The following GMDS variants were observed in gnomAD, a reference collection of about 807,000 sequenced individuals.
GMDS encodes the protein GDP-mannose 4,6 dehydratase.
Under a neutral mutation model 49.9 loss-of-function variants are expected in GMDS, and 20 were observed. The observed-to-expected ratio is 0.40, with a 90% CI of 0.28 to 0.58. The LOEUF is 0.58. Among genes scored for constraint, GMDS ranks in the 20% least tolerant of loss-of-function variants. The pLI, the probability that GMDS is intolerant of heterozygous loss-of-function variation, is 0.42. For missense variants in GMDS, 362 were observed against 481.4 expected, an observed-to-expected ratio of 0.75 and a Z score of 2.32; for synonymous variants, 177 against 178.6, an observed-to-expected ratio of 0.99 and a Z score of 0.07.
intron 9 of GMDS, among the ~76,000 whole-genome samples, chr6:1,689,009 T>A (rs978421538): frequency 6.6e-6 from 1 of 152,194 alleles, no homozygotes; most frequent in Non-Finnish European, 1.5e-5. Context: ...AACATGTTCT[T>A]GCTATGAGGG....
intron 9 of GMDS, among the ~76,000 whole-genome samples, chr6:1,668,724 AC>A (rs67378132): frequency 0.18 from 27,051 of 151,504 alleles, 2,845 homozygotes; most frequent in East Asian, 0.51. Context: ...AAACAAACAA[AC>A]AAAAAAAACC....
At chr6:2,170,318 T>C (rs1777921653) in intron 1 of GMDS, among the ~76,000 whole-genome samples, 2 of 152,292 alleles carry the variant, frequency 1.3e-5, no homozygotes, top group South Asian at 4.1e-4. Flanking sequence ...TTACCATATG[T>C]TCTAAACTAA....
chr6:2,067,337 A>G (rs1272715464), intron 4 of GMDS, among the ~76,000 whole-genome samples: 1 of 150,674 alleles, frequency 6.6e-6, no homozygotes, highest in Non-Finnish European at 1.5e-5. Context: ...TGACACCCTA[A>G]CATCACAATT....
chr6:2,233,620 G>C (rs1301827828), intron 1 of GMDS, among the ~76,000 whole-genome samples: 1 of 152,206 alleles, frequency 6.6e-6, no homozygotes, highest in Middle Eastern at 3.2e-3. Flanking sequence ...AGGAGTTCTA[G>C]ACCAGCCTGG....
intron 4 of GMDS, among the ~76,000 whole-genome samples, chr6:2,005,897 C>A (rs1767133102): frequency 1.3e-5 from 2 of 152,156 alleles, no homozygotes; most frequent in Admixed American, 6.5e-5. Context: ...CACTCCTAAC[C>A]AGGCTCTTTT....
intron 7 of GMDS, among the ~76,000 whole-genome samples, chr6:1,916,331 C>T (rs909532906): frequency 1.3e-4 from 19 of 151,962 alleles, no homozygotes; most frequent in Admixed American, 3.9e-4. Flanking sequence ...CAACCCTTCA[C>T]GTGCGGGGGT....
chr6:2,057,019 T>C (rs1770819956), intron 4 of GMDS, among the ~76,000 whole-genome samples: 1 of 152,198 alleles, frequency 6.6e-6, no homozygotes. Flanking sequence ...TGTGAAATGA[T>C]CAAAATGTGG....
chr6:2,079,611 T>G (rs1391777108), intron 4 of GMDS, among the ~76,000 whole-genome samples: 1 of 152,120 alleles, frequency 6.6e-6, no homozygotes, highest in Non-Finnish European at 1.5e-5. Context: ...ATTTTTTTCA[T>G]TCAGTACTTT....
chr6:2,095,312 A>T (rs1773532797), intron 4 of GMDS, among the ~76,000 whole-genome samples: 1 of 152,190 alleles, frequency 6.6e-6, no homozygotes, highest in Non-Finnish European at 1.5e-5. Flanking sequence ...TTAAACATAG[A>T]AAGTAACTAA....
chr6:2,105,831 T>G (rs1774212788), intron 4 of GMDS, among the ~76,000 whole-genome samples: 1 of 152,198 alleles, frequency 6.6e-6, no homozygotes, highest in African/African-American at 2.4e-5. Context: ...CTCTATCAGC[T>G]CCCATTTAGA....
intron 4 of GMDS, among the ~76,000 whole-genome samples, chr6:1,976,832 T>C (rs544201234): frequency 7.2e-5 from 11 of 152,364 alleles, no homozygotes; most frequent in South Asian, 6.2e-4. Flanking sequence ...CATATTTAAA[T>C]TGCTGTGCAA....
At chr6:2,130,294 T>C (rs1401123235) in intron 1 of GMDS, among the ~76,000 whole-genome samples, 1 of 152,226 alleles carries the variant, frequency 6.6e-6, no homozygotes, top group Non-Finnish European at 1.5e-5. Flanking sequence ...TCCTATAGTC[T>C]TCAAAGGTGA....
chr6:1,774,598 GCA>G (rs1337644349), intron 7 of GMDS, among the ~76,000 whole-genome samples: 1 of 152,182 alleles, frequency 6.6e-6, no homozygotes, highest in Non-Finnish European at 1.5e-5. Context: ...GTACAAGAAT[GCA>G]CACACTCGTC....
chr6:2,141,917 C>T (rs1013566367), intron 1 of GMDS, among the ~76,000 whole-genome samples: 12 of 151,758 alleles, frequency 7.9e-5, no homozygotes, highest in African/African-American at 2.9e-4. Flanking sequence ...CCACAACACT[C>T]CTCCTCCCAC....
intron 4 of GMDS, among the ~76,000 whole-genome samples, chr6:1,980,216 G>A (rs1030787736): frequency 3.0e-4 from 46 of 151,984 alleles, no homozygotes; most frequent in African/African-American, 1.1e-3. Flanking sequence ...ATGTAAATGG[G>A]CTAAATGCTC....
At chr6:2,017,474 A>T (rs1767979116) in intron 4 of GMDS, among the ~76,000 whole-genome samples, 1 of 151,960 alleles carries the variant, frequency 6.6e-6, no homozygotes, top group South Asian at 2.1e-4. Flanking sequence ...GCACCCAGCT[A>T]ATTTTTGTAT....
Position 1,858,939 on chromosome 6 carries a change from C to T in GMDS, c.771+71164G>A, listed in dbSNP as rs556488925. ...CAGGGTACATTAAAGGAGAAATGGC[C>T]GTATCTCAGTGCTTTTTTTGTGTTT... On this transcript the variant is annotated intron_variant, in intron 7 of 10. Transcript: ENST00000380815. Among the ~76,000 whole-genome samples the T allele has an allele frequency of 5.4e-3, 813 of 149,406 alleles. 6 individuals carry two copies. Among genetic ancestry groups the T allele is most frequent in the African/African-American group, 0.019 (773 of 40,036 alleles).
In GMDS at chr6:2,221,292, T is replaced by C. The variant is rs1175454149; in HGVS notation, c.102+24029A>G. Among the ~76,000 whole-genome samples the C allele has an allele frequency of 2.6e-5, 4 of 152,348 alleles. No individual in the cohort carries two copies. The South Asian group carries it at 8.3e-4, about 32-fold the overall frequency. ...TTCTCACTTGTAATATCATGATTTA[T>C]CCATCTGTTTTGACTTCAATTGCAT... On this transcript the variant is annotated intron_variant, in intron 1 of 10. Coordinates refer to ENST00000380815, the MANE Select transcript of GMDS (RefSeq NM_001500.4).
Position 2,175,997 on chromosome 6 carries a change from G to A in GMDS, c.103-51266C>T. 3.9e-6 allele frequency: 6 copies of A among 1,534,508 alleles called. No individual in the cohort carries two copies. The South Asian group carries it at 6.0e-5, about 15-fold the overall frequency. ...CAACAAACTGCCTGTGTACAAAACT[G>A]GATCACACAAAAGTGCCTCAGAGCA... On this transcript the variant is annotated intron_variant, in intron 1 of 10. Transcript: ENST00000380815.
Sources: allele counts gnomAD v4.1 joint callset (sites outside exome capture counted in the v4.1 genomes callset), GRCh38; gene constraint gnomAD v4.1.1; transcripts MANE v1.5; gene names NCBI Gene and HGNC (gene_info 2026-07-23, HGNC 2026-07-21).